The following LSAMP variants were observed in gnomAD, a reference collection of about 807,000 sequenced individuals.
LSAMP encodes the protein limbic system-associated membrane protein.
In LSAMP, 7 loss-of-function variants were observed where a neutral mutation model predicts 38.6. That is an observed-to-expected ratio of 0.18 (90% CI 0.10 to 0.34). The LOEUF (loss-of-function observed/expected upper bound fraction) is 0.34. Ranked by LOEUF, LSAMP falls within the 10% of genes least tolerant of loss-of-function variation. The pLI is 1.00. For missense variants in LSAMP, 313 were observed against 420.0 expected (o/e 0.75, Z 2.23); for synonymous variants, 154 against 166.8 (o/e 0.92, Z 0.59).
chr3:116,358,999 C>G (rs1192886312), intron 1 of LSAMP, among the ~76,000 whole-genome samples: 1 of 152,126 alleles, frequency 6.6e-6, no homozygotes, highest in Non-Finnish European at 1.5e-5. Flanking sequence ...CGTATAAAAT[C>G]TGTGGGTTAT....
At chr3:116,340,452 G>A (rs541259405) in intron 1 of LSAMP, among the ~76,000 whole-genome samples, 7 of 151,954 alleles carry the variant, frequency 4.6e-5, no homozygotes, top group South Asian at 4.2e-4. Context: ...CATCTAAATT[G>A]TGTCAAACAA....
At chr3:116,273,682 G>GCAGATATATATATATATATA (rs199875261) in intron 1 of LSAMP, among the ~76,000 whole-genome samples, 1 of 4,508 alleles carries the variant, frequency 2.2e-4, no homozygotes, top group African/African-American at 8.0e-4. Context: ...AGAGAAAGAG[G>GCAGATATATATATATATATA]CATATATATA....
At chr3:116,322,742 A>G (rs1302259423) in intron 1 of LSAMP, among the ~76,000 whole-genome samples, 2 of 152,152 alleles carry the variant, frequency 1.3e-5, no homozygotes, top group African/African-American at 4.8e-5. Context: ...TATTCTTCCT[A>G]TCCAAATCTT....
intron 3 of LSAMP, among the ~76,000 whole-genome samples, chr3:115,876,510 T>C (rs1035512140): frequency 1.3e-5 from 2 of 151,968 alleles, no homozygotes; most frequent in Non-Finnish European, 2.9e-5. Flanking sequence ...AGGTTACTAT[T>C]GATTTCTATC....
intron 3 of LSAMP, among the ~76,000 whole-genome samples, chr3:116,001,212 CAG>C (rs1163576774): frequency 6.6e-6 from 1 of 152,014 alleles, no homozygotes; most frequent in African/African-American, 2.4e-5. Flanking sequence ...AAGAAAAAAA[CAG>C]AAAAGCTTCC....
At chr3:115,877,627 A>AG (rs1936216482) in intron 3 of LSAMP, among the ~76,000 whole-genome samples, 1 of 152,146 alleles carries the variant, frequency 6.6e-6, no homozygotes, top group African/African-American at 2.4e-5. Context: ...CCCTACTAGA[A>AG]GCAGAGGAAA....
rs967779922 is a variant in LSAMP, at chr3:116,039,682, C to T, written c.389-20042G>A. On this transcript the variant is annotated intron_variant, in intron 2 of 6. Coordinates refer to ENST00000490035, the MANE Select transcript of LSAMP (RefSeq NM_002338.5). ...AGAAGGTGGGAATAAAATGCCTACA[C>T]AGAAGCCTCTATCTAACAGTCCTGC... 9.9e-5 allele frequency among the ~76,000 whole-genome samples: 15 copies of T among 152,168 alleles called. No individual in the cohort carries two copies. The South Asian group carries it at 1.2e-3, about 13-fold the overall frequency.
rs528279232 is a variant in LSAMP at position 116,317,613 on chromosome 3, C to T, written c.155+127264G>A. 4.6e-5 allele frequency among the ~76,000 whole-genome samples: 7 copies of T among 151,934 alleles called. No homozygotes were observed. In the East Asian group the frequency reaches 6.0e-4, roughly 13 times the overall value. ...CTTGTGATCCACCCTCCTTGGCCTC[C>T]CAAAGCGCTGGGATTACAGGCGTGA... On this transcript the variant is annotated intron_variant, in intron 1 of 6. Transcript: ENST00000490035.
chr3:116,414,787 G>A (rs904650487), intron 1 of LSAMP, among the ~76,000 whole-genome samples: 1 of 152,142 alleles, frequency 6.6e-6, no homozygotes. Flanking sequence ...AATTCCCACA[G>A]TAATTGTAAA....
At chr3:116,228,192 T>C (rs2046363336) in intron 1 of LSAMP, among the ~76,000 whole-genome samples, 1 of 152,100 alleles carries the variant, frequency 6.6e-6, no homozygotes, top group African/African-American at 2.4e-5. Flanking sequence ...GATTGCAATG[T>C]ATTAGAAAAG....
At chr3:116,273,744 A>G (rs578175576) in intron 1 of LSAMP, among the ~76,000 whole-genome samples, 2 of 134,674 alleles carry the variant, frequency 1.5e-5, no homozygotes, top group African/African-American at 6.6e-5. Flanking sequence ...ATACATATGT[A>G]TATATATATA....
At chr3:116,122,942 CTT>C (rs1257627159) in intron 1 of LSAMP, among the ~76,000 whole-genome samples, 1 of 152,078 alleles carries the variant, frequency 6.6e-6, no homozygotes, top group Non-Finnish European at 1.5e-5. Flanking sequence ...CTTTGAAAGA[CTT>C]TTAAATAAAT....
chr3:115,920,502 T>C (rs1253728559), intron 3 of LSAMP, among the ~76,000 whole-genome samples: 1 of 152,206 alleles, frequency 6.6e-6, no homozygotes, highest in Non-Finnish European at 1.5e-5. Flanking sequence ...TTCTTGTATG[T>C]CTTCTTCAGA....
At chr3:116,284,052 CT>C (rs2047163368) in intron 1 of LSAMP, among the ~76,000 whole-genome samples, 1 of 152,070 alleles carries the variant, frequency 6.6e-6, no homozygotes, top group African/African-American at 2.4e-5. Context: ...CAACTTATTT[CT>C]TTGATATAAG....
chr3:115,857,287 C>T (rs891572481), intron 3 of LSAMP, among the ~76,000 whole-genome samples: 3 of 152,144 alleles, frequency 2.0e-5, no homozygotes, highest in Non-Finnish European at 4.4e-5. Context: ...TTCCCTTTGC[C>T]CCCACGAGCC....
intron 1 of LSAMP, among the ~76,000 whole-genome samples, chr3:116,247,686 A>G (rs1320296725): frequency 6.6e-6 from 1 of 152,202 alleles, no homozygotes; most frequent in African/African-American, 2.4e-5. Context: ...GAAATACCAA[A>G]CTGAATTTTG....
intron 1 of LSAMP, among the ~76,000 whole-genome samples, chr3:116,237,650 T>C (rs2046482658): frequency 7.7e-6 from 1 of 130,626 alleles, no homozygotes; most frequent in Non-Finnish European, 1.6e-5. Context: ...GTCCTCGCCA[T>C]AAACCTTAGA....
chr3:116,167,619 T>C (rs1312848760), intron 1 of LSAMP, among the ~76,000 whole-genome samples: 2 of 152,188 alleles, frequency 1.3e-5, no homozygotes, highest in Non-Finnish European at 2.9e-5. Context: ...CATCCATCTA[T>C]TGAATTCTTG....
At chr3:115,956,546 T>C (rs1938460474) in intron 3 of LSAMP, among the ~76,000 whole-genome samples, 1 of 152,102 alleles carries the variant, frequency 6.6e-6, no homozygotes, top group African/African-American at 2.4e-5. Context: ...AGACTATTCT[T>C]TGGTAGAAGA....
Sources: allele counts gnomAD v4.1 joint callset (sites outside exome capture counted in the v4.1 genomes callset), GRCh38; gene constraint gnomAD v4.1.1; transcripts MANE v1.5; gene names NCBI Gene and HGNC (gene_info 2026-07-23, HGNC 2026-07-21).